PIK3C2G: variants seen among roughly 807,000 people sequenced by gnomAD.
PIK3C2G encodes phosphatidylinositol 3-kinase C2 domain-containing subunit gamma.
Under a neutral mutation model 181.1 loss-of-function variants are expected in PIK3C2G, and 168 were observed. The observed-to-expected ratio is 0.93, with a 90% CI of 0.82 to 1.05. The LOEUF is 1.05. PIK3C2G is among the 50% of genes least tolerant of loss of function. The probability of loss-of-function intolerance (pLI) is 0.00; values close to 1 mark genes in which losing one functional copy is unlikely to be tolerated. For missense variants in PIK3C2G, 1,869 were observed against 1,732.8 expected, an observed-to-expected ratio of 1.08 and a Z score of -1.40; for synonymous variants, 573 against 592.2, an observed-to-expected ratio of 0.97 and a Z score of 0.47.
In PIK3C2G at chr12:18,274,489, T is replaced by A. The variant is rs572563143; in HGVS notation, c.-78-7515T>A. On this transcript the variant is annotated intron_variant, in intron 1 of 32. Transcript: ENST00000538779. ...TATGCAACCATAAAAAATGATGAGT[T>A]CAGATCCTTTGTAGGGACATGGATG... Among the ~76,000 whole-genome samples the A allele has an allele frequency of 4.0e-4, 61 of 152,284 alleles. No homozygotes were observed. The South Asian group carries it at 9.1e-3, about 23-fold the overall frequency.
At chr12:18,365,009 C>T (rs1329923941) in intron 12 of PIK3C2G, among the ~76,000 whole-genome samples, 1 of 152,176 alleles carries the variant, frequency 6.6e-6, no homozygotes, top group Admixed American at 6.5e-5. Context: ...TCAACTCACA[C>T]ACTTATGCCA....
At chr12:18,720,627 A>T in the PIK3C2G span, among the ~76,000 whole-genome samples, 6 of 152,028 alleles carry the variant, frequency 3.9e-5, no homozygotes, top group African/African-American at 1.4e-4. Flanking sequence ...TTTAGTTGCT[A>T]TTATTACTGT....
chr12:18,477,124 C>T (rs1236010878), intron 18 of PIK3C2G, among the ~76,000 whole-genome samples: 1 of 152,032 alleles, frequency 6.6e-6, no homozygotes, highest in Non-Finnish European at 1.5e-5. Flanking sequence ...TCTCCCACTG[C>T]TCATAAGGAC....
intron 14 of PIK3C2G, among the ~76,000 whole-genome samples, chr12:18,385,626 T>C (rs576713533): frequency 1.2e-3 from 182 of 152,232 alleles, no homozygotes; most frequent in African/African-American, 4.3e-3. Context: ...TGGAGTGCAG[T>C]GGCGCGATCT....
intron 6 of PIK3C2G, among the ~76,000 whole-genome samples, chr12:18,315,506 TA>T (rs1163653506): frequency 5.3e-5 from 8 of 152,172 alleles, no homozygotes; most frequent in Non-Finnish European, 8.8e-5. Context: ...CGGTAGTAAT[TA>T]ACAAATCACT....
intron 19 of PIK3C2G, among the ~76,000 whole-genome samples, chr12:18,490,565 C>T (rs12301136): frequency 9.2e-4 from 140 of 152,264 alleles, no homozygotes; most frequent in African/African-American, 3.2e-3. Context: ...CATCCTCCTA[C>T]TCTCGGTCTC....
the PIK3C2G span, among the ~76,000 whole-genome samples, chr12:18,707,950 C>T: frequency 5.9e-5 from 9 of 152,218 alleles, no homozygotes; most frequent in East Asian, 3.9e-4. Context: ...AAGGTTATTA[C>T]AGTGAATCAA....
chr12:18,578,840 A>G (rs1477606524), intron 29 of PIK3C2G, among the ~76,000 whole-genome samples: 1 of 152,094 alleles, frequency 6.6e-6, no homozygotes, highest in African/African-American at 2.4e-5. Context: ...TCTTGTTAAT[A>G]AAACAAGAGA....
the PIK3C2G span, among the ~76,000 whole-genome samples, chr12:18,677,283 G>A: frequency 8.8e-3 from 1,338 of 152,226 alleles, 13 homozygotes; most frequent in African/African-American, 0.031. Flanking sequence ...AAGATGGCGA[G>A]CAAGACAGTT....
intron 28 of PIK3C2G, among the ~76,000 whole-genome samples, chr12:18,565,723 T>C (rs1945596152): frequency 6.6e-6 from 1 of 152,172 alleles, no homozygotes; most frequent in Non-Finnish European, 1.5e-5. Context: ...TTCCTCAACT[T>C]TCATGTACTC....
At chr12:18,351,979 G>A (rs1204656994) in intron 11 of PIK3C2G, among the ~76,000 whole-genome samples, 1 of 152,072 alleles carries the variant, frequency 6.6e-6, no homozygotes, top group African/African-American at 2.4e-5. Context: ...AGTACACTCT[G>A]GGATGTTCGC....
rs77661989 is a variant in PIK3C2G at position 18,294,646 on chromosome 12, C to T, written c.1034+631C>T. On this transcript the variant is annotated intron_variant, in intron 5 of 32. Transcript: ENST00000538779. ...TCATCTTTTAGTTTACCAAAGTAAC[C>T]ATTTGCCTGAAATTCCTACAGACCA... 1.0e-3 allele frequency among the ~76,000 whole-genome samples: 155 copies of T among 151,980 alleles called. 2 individuals carry two copies. The East Asian group carries it at 0.027, about 27-fold the overall frequency.
chr12:18,703,020 G>T, the PIK3C2G span, among the ~76,000 whole-genome samples: 1 of 151,848 alleles, frequency 6.6e-6, no homozygotes, highest in African/African-American at 2.4e-5. Flanking sequence ...TTAATATGGA[G>T]CTAAAATTTG....
chr12:18,295,779 G>A (rs2137241371), intron 5 of PIK3C2G, among the ~76,000 whole-genome samples: 1 of 151,108 alleles, frequency 6.6e-6, no homozygotes, highest in Non-Finnish European at 1.5e-5. Flanking sequence ...AAGAGTAATA[G>A]CCTATTTGTA....
At chr12:18,312,513 C>G (rs1591917965) in intron 5 of PIK3C2G, among the ~76,000 whole-genome samples, 1 of 152,070 alleles carries the variant, frequency 6.6e-6, no homozygotes, top group African/African-American at 2.4e-5. Context: ...GATGAAAGGA[C>G]AGGAACTTGA....
chr12:18,523,246 GTC>G (rs944171708), intron 24 of PIK3C2G, among the ~76,000 whole-genome samples: 1 of 151,972 alleles, frequency 6.6e-6, no homozygotes, highest in Non-Finnish European at 1.5e-5. Flanking sequence ...TTTCTTCATG[GTC>G]TGTTACTGGC....
chr12:18,380,543 C>T (rs141058779), intron 13 of PIK3C2G, among the ~76,000 whole-genome samples: 1 of 152,212 alleles, frequency 6.6e-6, no homozygotes, highest in Non-Finnish European at 1.5e-5. Context: ...TAATCTTTAC[C>T]TCTATTAAAC....
intron 8 of PIK3C2G, among the ~76,000 whole-genome samples, chr12:18,326,470 C>A (rs925296354): frequency 5.3e-5 from 8 of 152,092 alleles, no homozygotes; most frequent in Admixed American, 3.9e-4. Context: ...CTAAATATAT[C>A]TGAAAATAAT....
At chr12:18,430,745 A>G (rs1268017679) in intron 18 of PIK3C2G, among the ~76,000 whole-genome samples, 1 of 152,090 alleles carries the variant, frequency 6.6e-6, no homozygotes, top group African/African-American at 2.4e-5. Context: ...GAAGAGGGAG[A>G]ATGTGAGCAG....
Sources: gnomAD v4.1 joint callset for allele counts (sites outside exome capture counted in the v4.1 genomes callset) on GRCh38, gnomAD v4.1.1 for gene constraint, MANE v1.5 for transcripts, NCBI Gene and HGNC (gene_info 2026-07-23, HGNC 2026-07-21) for gene names.